Variants in B3GALT1 observed in about 807,000 individuals in gnomAD.
The protein encoded by B3GALT1 is UDP-Gal:betaGlcNAc beta 1,3-galactosyltransferase, polypeptide 1.
Under a neutral mutation model 23.2 loss-of-function variants are expected in B3GALT1, and 10 were observed. The observed-to-expected ratio is 0.43, with a 90% CI of 0.27 to 0.73. The LOEUF (loss-of-function observed/expected upper bound fraction) is 0.73. B3GALT1 is among the 30% of genes least tolerant of loss of function. B3GALT1 has a pLI of 0.21. For missense variants in B3GALT1, 299 were observed against 405.4 expected (o/e 0.74, Z 2.25); for synonymous variants, 156 against 141.5 (o/e 1.10, Z -0.73).
In B3GALT1 at chr2:167,685,660, C is replaced by CAG. The variant is rs529650211; in HGVS notation, c.-352+38703_-352+38704dup. On this transcript the variant is annotated intron_variant, in intron 3 of 4. Transcript: ENST00000392690. ...GATGCCCAAGAGGTAGAATATGAGTCAGAGAGAGAGCAGGGGCCAGGTCTT... is the reference window on the plus strand; with the variant it reads ...GATGCCCAAGAGGTAGAATATGAGTCAGAGAGAGAGAGCAGGGGCCAGGTCTT... Among the ~76,000 whole-genome samples, 30 of 152,152 alleles carry CAG rather than the reference C, an allele frequency of 2.0e-4. No individual in the cohort carries two copies. The South Asian group carries it at 2.3e-3, about 12-fold the overall frequency.
At chr2:167,518,038 A>ACAAC (rs1192427393) in intron 2 of B3GALT1, among the ~76,000 whole-genome samples, 1 of 151,982 alleles carries the variant, frequency 6.6e-6, no homozygotes, top group East Asian at 1.9e-4. Flanking sequence ...AACAACAACA[A>ACAAC]AAAAAATTGT....
intron 3 of B3GALT1, among the ~76,000 whole-genome samples, chr2:167,669,104 TATTA>T (rs1464407634): frequency 6.6e-6 from 1 of 152,180 alleles, no homozygotes; most frequent in African/African-American, 2.4e-5. Context: ...GCTTCTAATA[TATTA>T]ATTCCTTGTT....
chr2:167,575,480 A>G (rs1379807815), intron 2 of B3GALT1, among the ~76,000 whole-genome samples: 1 of 151,814 alleles, frequency 6.6e-6, no homozygotes, highest in African/African-American at 2.4e-5. Flanking sequence ...ATGGTTGAGT[A>G]CAGAGCTCTT....
chr2:167,520,070 T>C (rs10803826), intron 2 of B3GALT1, among the ~76,000 whole-genome samples: 87,503 of 151,064 alleles, frequency 0.58, 29,253 homozygotes, highest in East Asian at 0.99. Flanking sequence ...GAAAGAAAAA[T>C]ATATTAATAT....
chr2:167,514,807 A>G (rs1053518277), intron 2 of B3GALT1, among the ~76,000 whole-genome samples: 9 of 152,214 alleles, frequency 5.9e-5, no homozygotes, highest in Non-Finnish European at 1.3e-4. Flanking sequence ...CATGAAAATA[A>G]TAATTAGGTT....
intron 3 of B3GALT1, among the ~76,000 whole-genome samples, chr2:167,818,167 T>C (rs753551086): frequency 1.3e-5 from 2 of 152,256 alleles, no homozygotes; most frequent in African/African-American, 2.4e-5. Flanking sequence ...TGTGCAGTTT[T>C]GTTTTATTTT....
At chr2:167,703,744 AAG>A (rs796977168) in intron 3 of B3GALT1, among the ~76,000 whole-genome samples, 40 of 152,314 alleles carry the variant, frequency 2.6e-4, no homozygotes, top group African/African-American at 9.6e-4. Flanking sequence ...ATTTCAGAGT[AAG>A]AGATATTTAA....
At chr2:167,420,844 A>C (rs1381028388) in intron 1 of B3GALT1, among the ~76,000 whole-genome samples, 1 of 152,356 alleles carries the variant, frequency 6.6e-6, no homozygotes, top group East Asian at 1.9e-4. Context: ...ACTTGATTGC[A>C]TGAAGTAGAG....
At chr2:167,737,194 C>T (rs1483792632) in intron 3 of B3GALT1, among the ~76,000 whole-genome samples, 2 of 152,174 alleles carry the variant, frequency 1.3e-5, no homozygotes, top group African/African-American at 2.4e-5. Context: ...ATTCGCCAGG[C>T]ATCATGCTAA....
chr2:167,614,660 T>C (rs1685126887), intron 2 of B3GALT1, among the ~76,000 whole-genome samples: 1 of 152,058 alleles, frequency 6.6e-6, no homozygotes, highest in Non-Finnish European at 1.5e-5. Flanking sequence ...ATGGAACGAA[T>C]AGATATTTCA....
chr2:167,482,832 C>T (rs1699577720), intron 1 of B3GALT1, among the ~76,000 whole-genome samples: 3 of 151,726 alleles, frequency 2.0e-5, no homozygotes, highest in African/African-American at 7.2e-5. Context: ...AGAGCCAGAC[C>T]CTGTCTCAAA....
intron 1 of B3GALT1, among the ~76,000 whole-genome samples, chr2:167,480,838 C>T (rs1699555287): frequency 6.6e-6 from 1 of 152,104 alleles, no homozygotes; most frequent in Admixed American, 6.5e-5. Flanking sequence ...AGTTTCAACC[C>T]CAGAGCAGGT....
intron 1 of B3GALT1, among the ~76,000 whole-genome samples, chr2:167,449,695 C>T (rs1488478010): frequency 2.0e-5 from 3 of 152,136 alleles, no homozygotes; most frequent in African/African-American, 7.2e-5. Context: ...ATGCTTTCAA[C>T]TTTTCCTCAT....
intron 1 of B3GALT1, among the ~76,000 whole-genome samples, chr2:167,324,349 T>G (rs1161009474): frequency 6.6e-6 from 1 of 151,996 alleles, no homozygotes; most frequent in East Asian, 1.9e-4. Flanking sequence ...ATTCTCTACT[T>G]GTTTTGATTG....
At chr2:167,421,928 C>T (rs528730754) in intron 1 of B3GALT1, among the ~76,000 whole-genome samples, 3 of 152,286 alleles carry the variant, frequency 2.0e-5, no homozygotes, top group Non-Finnish European at 2.9e-5. Context: ...TAGGAACTAA[C>T]TCTGCTTTCA....
intron 1 of B3GALT1, among the ~76,000 whole-genome samples, chr2:167,386,917 G>A (rs545435847): frequency 7.9e-5 from 12 of 152,304 alleles, no homozygotes; most frequent in Middle Eastern, 3.4e-3. Flanking sequence ...AGTCGAAGCT[G>A]CGTTAACTGT....
intron 4 of B3GALT1, among the ~76,000 whole-genome samples, chr2:167,852,642 T>G (rs1318298017): frequency 1.3e-5 from 2 of 152,146 alleles, no homozygotes; most frequent in Non-Finnish European, 2.9e-5. Flanking sequence ...AAATTTGCCT[T>G]GAATGGCACA....
chr2:167,451,288 G>T (rs1699086978), intron 1 of B3GALT1, among the ~76,000 whole-genome samples: 1 of 152,124 alleles, frequency 6.6e-6, no homozygotes, highest in Non-Finnish European at 1.5e-5. Flanking sequence ...CATATTACCA[G>T]AATTGTTTTT....
At chr2:167,519,409 A>G (rs925444106) in intron 2 of B3GALT1, among the ~76,000 whole-genome samples, 1 of 61,912 alleles carries the variant, frequency 1.6e-5, no homozygotes, top group Non-Finnish European at 3.1e-5. Context: ...TAAGATAAAC[A>G]ATTAAATTTA....
Sources: gnomAD v4.1 joint callset for allele counts (sites outside exome capture counted in the v4.1 genomes callset) on GRCh38, gnomAD v4.1.1 for gene constraint, MANE v1.5 for transcripts, NCBI Gene and HGNC (gene_info 2026-07-23, HGNC 2026-07-21) for gene names.